Variants in COL11A1 observed in about 807,000 individuals in gnomAD.
COL11A1 encodes collagen type XI alpha 1 chain, also known as collagen alpha-1(XI) chain.
Under a neutral mutation model 265.2 loss-of-function variants are expected in COL11A1, and 74 were observed. The observed-to-expected ratio is 0.28, with a 90% CI of 0.23 to 0.34. The LOEUF is 0.34. COL11A1 is among the 10% of genes least tolerant of loss of function. The probability of loss-of-function intolerance (pLI) is 1.00; values close to 1 mark genes in which losing one functional copy is unlikely to be tolerated. For missense variants in COL11A1, 2,165 were observed against 2,263.6 expected (o/e 0.96, Z 0.88); for synonymous variants, 816 against 727.6 (o/e 1.12, Z -1.96).
At chr1:103,088,930 A>C (rs1673089227) in intron 1 of COL11A1, among the ~76,000 whole-genome samples, 1 of 152,206 alleles carries the variant, frequency 6.6e-6, no homozygotes, top group African/African-American at 2.4e-5. Context: ...TCATGCATTC[A>C]CTGCCACAAA....
intron 4 of COL11A1, among the ~76,000 whole-genome samples, chr1:103,046,680 C>A (rs1405975098): frequency 2.6e-5 from 4 of 151,118 alleles, no homozygotes; most frequent in Admixed American, 6.6e-5. Flanking sequence ...AGTCCTTGCC[C>A]GTGCCTATGT....
intron 41 of COL11A1, among the ~76,000 whole-genome samples, chr1:102,955,316 A>G (rs1347718457): frequency 6.6e-6 from 1 of 152,202 alleles, no homozygotes; most frequent in Admixed American, 6.5e-5. Flanking sequence ...TAGAGAAGCA[A>G]GAGAAGAAGA....
rs577547452 is a variant in COL11A1 at position 102,950,908 on chromosome 1, C to A, written c.3169-3952G>T. Among the ~76,000 whole-genome samples, 85 of 152,236 alleles carry A rather than the reference C, an allele frequency of 5.6e-4. 1 individual carries two copies. The highest frequency in any genetic ancestry group is 7.1e-4 in the Non-Finnish European group (48 of 68,014). ...CTGTTCTCCTGACAATGAGTGAGTT[C>A]TTATGGGATCTGATGGTTTATAAGG... is the stretch of plus-strand genomic sequence containing the variant. On this transcript the variant is annotated intron_variant, in intron 41 of 66. Transcript: ENST00000370096.
chr1:103,080,204 T>G (rs186039289), intron 2 of COL11A1, among the ~76,000 whole-genome samples: 128 of 152,068 alleles, frequency 8.4e-4, no homozygotes, highest in Middle Eastern at 3.4e-3. Flanking sequence ...GAATACATTT[T>G]TATGCTATAA....
chr1:103,035,973 C>A, intron 4 of COL11A1, among the ~76,000 whole-genome samples: 1 of 151,394 alleles, frequency 6.6e-6, no homozygotes, highest in African/African-American at 2.4e-5. Flanking sequence ...CACTGAGTAA[C>A]CATACCTGAA....
At chr1:103,029,091 C>T (rs1264055928) in intron 5 of COL11A1, among the ~76,000 whole-genome samples, 2 of 151,890 alleles carry the variant, frequency 1.3e-5, no homozygotes, top group Non-Finnish European at 2.9e-5. Flanking sequence ...TTATGTCAAG[C>T]ATATAACAAT....
chr1:103,055,578 G>GGGATTTGGAAGATGAGGCAAGAGC (rs1553247907), intron 4 of COL11A1, among the ~76,000 whole-genome samples: 1 of 152,142 alleles, frequency 6.6e-6, no homozygotes, highest in Non-Finnish European at 1.5e-5. Flanking sequence ...ACCAATTTTA[G>GGGATTTGGAAGATGAGGCAAGAGC]GGATTTGGAA....
At chr1:102,896,350 A>C (rs1488477092) in intron 57 of COL11A1, among the ~76,000 whole-genome samples, 1 of 152,136 alleles carries the variant, frequency 6.6e-6, no homozygotes, top group Non-Finnish European at 1.5e-5. Flanking sequence ...TTCTGATTTA[A>C]AAATTACCTA....
intron 4 of COL11A1, among the ~76,000 whole-genome samples, chr1:103,046,983 G>A (rs532299120): frequency 1.1e-3 from 168 of 152,264 alleles, no homozygotes; most frequent in Non-Finnish European, 1.9e-3. Flanking sequence ...TTTGGTACAA[G>A]TACCATGTTG....
intron 53 of COL11A1, 140 bp from the exon 54 acceptor site, chr1:102,912,352 T>A (rs1006299780): frequency 1.1e-5 from 7 of 655,848 alleles, no homozygotes; most frequent in Non-Finnish European, 1.8e-5. Flanking sequence ...CAGCCCTATT[T>A]CAGATACCTA....
intron 41 of COL11A1, among the ~76,000 whole-genome samples, chr1:102,951,223 G>T (rs1379581031): frequency 2.0e-5 from 3 of 152,022 alleles, no homozygotes; most frequent in African/African-American, 7.3e-5. Flanking sequence ...TAGAACCTTG[G>T]TTTTCTACCA....
intron 31 of COL11A1, among the ~76,000 whole-genome samples, chr1:102,983,482 C>A (rs976532314): frequency 1.3e-5 from 2 of 151,904 alleles, no homozygotes; most frequent in African/African-American, 4.8e-5. Context: ...ATAAGACACA[C>A]AGAAAAAAGG....
intron 4 of COL11A1, among the ~76,000 whole-genome samples, chr1:103,040,096 T>A (rs1668685534): frequency 6.6e-6 from 1 of 152,072 alleles, no homozygotes; most frequent in Admixed American, 6.6e-5. Context: ...AGTCTTATTT[T>A]TAAAATACAT....
At chr1:102,944,310 T>G (rs1188209776) in intron 42 of COL11A1, among the ~76,000 whole-genome samples, 2 of 152,168 alleles carry the variant, frequency 1.3e-5, no homozygotes, top group Non-Finnish European at 2.9e-5. Context: ...TGGATATCTA[T>G]AACTCCTTTC....
intron 5 of COL11A1, among the ~76,000 whole-genome samples, chr1:103,026,657 A>G (rs868687828): frequency 5.3e-5 from 8 of 152,300 alleles, no homozygotes; most frequent in Middle Eastern, 6.8e-3. Flanking sequence ...TAGATGTCAA[A>G]TATTCATTAA....
chr1:103,012,029 T>C (rs937034284), intron 14 of COL11A1, among the ~76,000 whole-genome samples: 2 of 152,200 alleles, frequency 1.3e-5, no homozygotes, highest in Non-Finnish European at 2.9e-5. Context: ...ATAATTTTCA[T>C]TGGCCTCAAA....
At chr1:102,893,769 T>C (rs1049998062) in intron 57 of COL11A1, among the ~76,000 whole-genome samples, 2 of 152,156 alleles carry the variant, frequency 1.3e-5, no homozygotes, top group African/African-American at 4.8e-5. Flanking sequence ...ATTTAAAATA[T>C]AAAATTGTGG....
chr1:103,018,760 G>T, intron 10 of COL11A1, 58 bp downstream of exon 10: 3 of 1,298,304 alleles, frequency 2.3e-6, no homozygotes, highest in Non-Finnish European at 3.3e-6. Flanking sequence ...GTAATTAATA[G>T]AAATCTTATA....
chr1:103,000,955 T>C, intron 24 of COL11A1: 1 of 385,842 alleles, frequency 2.6e-6, no homozygotes, highest in Non-Finnish European at 4.6e-6. Context: ...ATATGTATGC[T>C]ACAGCATGGA....
Sources: gnomAD v4.1 joint callset for allele counts (sites outside exome capture counted in the v4.1 genomes callset) on GRCh38, gnomAD v4.1.1 for gene constraint, MANE v1.5 for transcripts, NCBI Gene and HGNC (gene_info 2026-07-23, HGNC 2026-07-21) for gene names.